The following VPS41 variants were observed in gnomAD, a reference collection of about 807,000 sequenced individuals.
VPS41 encodes the protein VPS41 subunit of HOPS complex.
Under a neutral mutation model 130.9 loss-of-function variants are expected in VPS41, and 85 were observed. That is an observed-to-expected ratio of 0.65 (90% confidence interval 0.55 to 0.78). VPS41 has a LOEUF of 0.78. VPS41 is among the 30% of genes least tolerant of loss of function. VPS41 has a pLI of 0.00. For synonymous variants in VPS41, 335 were observed against 332.9 expected (o/e 1.01, Z -0.07); for missense variants, 874 against 1,018.7 (o/e 0.86, Z 1.93).
chr7:38,813,713 A>G (rs1784987490), intron 7 of VPS41, among the ~76,000 whole-genome samples: 1 of 152,162 alleles, frequency 6.6e-6, no homozygotes, highest in African/African-American at 2.4e-5. Context: ...TTTCTTTTAA[A>G]TTATTTTAGT....
At chr7:38,898,183 T>C in intron 1 of VPS41, 54 bp from the exon 2 acceptor site, 1 of 1,502,708 alleles carries the variant, frequency 6.7e-7, no homozygotes, top group Non-Finnish European at 9.3e-7. Flanking sequence ...AGAATAATCA[T>C]TTGCAAGGGG....
intron 7 of VPS41, among the ~76,000 whole-genome samples, chr7:38,816,233 A>G (rs1018182168): frequency 1.3e-5 from 2 of 152,162 alleles, no homozygotes; most frequent in Non-Finnish European, 2.9e-5. Flanking sequence ...ACTACAGCCT[A>G]AGAATAACAA....
intron 3 of VPS41, among the ~76,000 whole-genome samples, chr7:38,864,780 G>A (rs1786192122): frequency 6.7e-6 from 1 of 149,164 alleles, no homozygotes; most frequent in African/African-American, 2.5e-5. Flanking sequence ...TTTTTCACCT[G>A]AATGTACTTA....
At chr7:38,820,646 CTT>C (rs1332769110) in intron 6 of VPS41, among the ~76,000 whole-genome samples, 1 of 152,184 alleles carries the variant, frequency 6.6e-6, no homozygotes, top group Non-Finnish European at 1.5e-5. Context: ...CCCAATCTTC[CTT>C]CACATTCTCT....
At chr7:38,762,517 T>C (rs1783943310) in intron 17 of VPS41, among the ~76,000 whole-genome samples, 1 of 152,168 alleles carries the variant, frequency 6.6e-6, no homozygotes, top group African/African-American at 2.4e-5. Context: ...CATCTTTACC[T>C]CCAATATTAC....
chr7:38,776,927 C>T, intron 10 of VPS41, 151 bp from the exon 11 acceptor site: 1 of 503,166 alleles, frequency 2.0e-6, no homozygotes. Flanking sequence ...TAACTCAGCA[C>T]TGCAAGTGCT....
chr7:38,819,588 A>C (rs1785129724), intron 6 of VPS41, among the ~76,000 whole-genome samples: 1 of 152,108 alleles, frequency 6.6e-6, no homozygotes, highest in Non-Finnish European at 1.5e-5. Context: ...TAACTTCAAA[A>C]TCACCACATA....
chr7:38,887,517 T>C (rs1478796543), intron 2 of VPS41, among the ~76,000 whole-genome samples: 1 of 151,770 alleles, frequency 6.6e-6, no homozygotes, highest in African/African-American at 2.4e-5. Flanking sequence ...CTCCAAGAAA[T>C]ATGGGACTAT....
chr7:38,888,296 A>T, intron 2 of VPS41, among the ~76,000 whole-genome samples: 1 of 152,228 alleles, frequency 6.6e-6, no homozygotes, highest in East Asian at 1.9e-4. Context: ...ACATGCAAAG[A>T]CACACATAGG....
chr7:38,763,383 T>C lies in VPS41; in HGVS notation c.1422+72A>G, dbSNP rs969856759. The C allele has an allele frequency of 3.7e-6, 4 of 1,074,842 alleles. No individual in the cohort carries two copies. The African/African-American group carries it at 6.4e-5, about 17-fold the overall frequency. 66.6% of individuals were successfully genotyped at this position (1,074,842 alleles called of 1,614,324 possible). On this transcript the variant is annotated intron_variant, in intron 17 of 28. Transcript: ENST00000310301. The stretch of plus-strand genomic sequence containing the variant: ...GTTTCCTTTACAGGCATTGCTCCAT[T>C]GTATTCCTTTCTAGATTTCCTAACA...
intron 7 of VPS41, among the ~76,000 whole-genome samples, chr7:38,798,688 C>A (rs915788794): frequency 1.3e-5 from 2 of 152,082 alleles, no homozygotes; most frequent in African/African-American, 4.8e-5. Context: ...ATGGGTGAAG[C>A]ACAGTGAGTG....
rs1187074182 is a variant in VPS41, at chr7:38,761,202, CCCTT to C, written c.1422+2249_1422+2252del. 1.0e-4 allele frequency among the ~76,000 whole-genome samples: 15 copies of C among 150,182 alleles called. No individual in the cohort carries two copies. The South Asian group carries it at 3.0e-3, about 30-fold the overall frequency. ...CTTGTCCTTCCTTTCTTCCCTCCCT[CCCTT>C]CCTTTTCTTTCTCTCTCTCTCCCTC... On this transcript the variant is annotated intron_variant, in intron 17 of 28. Coordinates refer to ENST00000310301, the MANE Select transcript of VPS41 (RefSeq NM_014396.4).
intron 4 of VPS41, among the ~76,000 whole-genome samples, chr7:38,853,448 C>T (rs114234771): frequency 0.018 from 2,702 of 148,166 alleles, 93 homozygotes; most frequent in African/African-American, 0.063. Flanking sequence ...AAAAGTATCA[C>T]TGTCTTAACT....
chr7:38,866,472 G>C (rs1259961460), intron 3 of VPS41, among the ~76,000 whole-genome samples: 1 of 152,196 alleles, frequency 6.6e-6, no homozygotes, highest in Admixed American at 6.5e-5. Context: ...GGTGAAAGCA[G>C]AGGATTCATC....
At chr7:38,771,458 G>A (rs748352920) in intron 13 of VPS41, among the ~76,000 whole-genome samples, 14 of 152,132 alleles carry the variant, frequency 9.2e-5, no homozygotes, top group Non-Finnish European at 2.1e-4. Context: ...ATGGTTGAAT[G>A]AACCTCACTG....
At chr7:38,844,527 TA>T (rs980954487) in intron 4 of VPS41, among the ~76,000 whole-genome samples, 1 of 151,782 alleles carries the variant, frequency 6.6e-6, no homozygotes, top group Non-Finnish European at 1.5e-5. Flanking sequence ...GGAAATAATC[TA>T]AAAAAAATAA....
At position 38,873,851 on chromosome 7, in the gene VPS41, G is replaced by C. The variant is rs3801121; in HGVS notation, c.61-4598C>G. 6.0e-4 allele frequency among the ~76,000 whole-genome samples: 92 copies of C among 152,260 alleles called. 1 individual carries two copies. In the East Asian group the frequency reaches 0.016, roughly 27 times the overall value. On this transcript the variant is annotated intron_variant, in intron 2 of 28. Transcript: ENST00000310301. ...GTCACATCATGGTCAATCTTACTGA[G>C]TTTTGGACTTAGGAGGAGGGAAATT...
At position 38,728,544 on chromosome 7, in the gene VPS41, G is replaced by C. The variant is rs1446995082; in HGVS notation, c.2402C>G (p.Ser801Ter). Residue 801 changes from serine to a stop codon, truncating the protein, a stop_gained and splice_region_variant, in exon 27 of 29, where the codon TCA becomes TGA. Coordinates refer to ENST00000310301, the MANE Select transcript of VPS41 (RefSeq NM_014396.4). LOFTEE classifies it high-confidence loss of function. ...TTTTTTGGGGAAAACCTTCTTACCT[G>C]ATGGAAGAATAGGGGAAAGGCACGA... ...CESCLSPILPSDAAKPFSVVV... is the reference protein window; with the variant it reads ...CESCLSPILP The C allele has an allele frequency of 6.2e-7, 1 of 1,614,116 alleles. No individual in the cohort carries two copies. Among genetic ancestry groups the C allele is most frequent in the Non-Finnish European group, 8.5e-7 (1 of 1,180,008 alleles).
At chr7:38,899,427 G>C (rs149933438) in intron 1 of VPS41, among the ~76,000 whole-genome samples, 1 of 152,256 alleles carries the variant, frequency 6.6e-6, no homozygotes, top group African/African-American at 2.4e-5. Flanking sequence ...TAGCTGTCCA[G>C]AGAGTTAATG....
Sources: allele counts gnomAD v4.1 joint callset (sites outside exome capture counted in the v4.1 genomes callset), GRCh38; gene constraint gnomAD v4.1.1; transcripts MANE v1.5; gene names NCBI Gene and HGNC (gene_info 2026-07-23, HGNC 2026-07-21).